Variants in UBA6 observed in about 807,000 individuals in gnomAD.
The protein encoded by UBA6 is ubiquitin-like modifier-activating enzyme 6.
A neutral mutation model predicts 148.3 loss-of-function variants in UBA6; 87 were observed. The ratio of observed to expected loss-of-function variants is 0.59; its 90% CI spans 0.49 to 0.70. The LOEUF (loss-of-function observed/expected upper bound fraction) is 0.70, where lower values mean the gene tolerates loss of function less well. UBA6 is among the 30% of genes least tolerant of loss of function. The pLI is 0.00. For missense variants in UBA6, 1,186 were observed against 1,241.2 expected, an observed-to-expected ratio of 0.96 and a Z score of 0.67; for synonymous variants, 376 against 401.0, an observed-to-expected ratio of 0.94 and a Z score of 0.75.
rs1487273442 is a variant in UBA6, at chr4:67,616,405, T to C, written c.*2592A>G. On this transcript the variant is annotated 3_prime_UTR_variant, in exon 33 of 33. Transcript: ENST00000322244. ...AGTTGCTTTTTTAATGTTCCATGAA[T>C]ATCACCAGAGTGTGACATAGTAGAT... The C allele has an allele frequency of 3.1e-6, 1 of 320,294 alleles. No individual in the cohort carries two copies. The highest frequency in any genetic ancestry group is 4.9e-5 in the Admixed American group (1 of 20,320). 19.8% of individuals were successfully genotyped at this position (320,294 alleles called of 1,614,324 possible). A position where few individuals can be genotyped will look rare whatever the true frequency, so the allele number is the denominator to read the frequency against.
Position 67,644,715 on chromosome 4 carries a change from T to C in UBA6, c.1459A>G (p.Ser487Gly), listed in dbSNP as rs1399235193. 2.5e-6 allele frequency: 4 copies of C among 1,603,352 alleles called. No homozygotes were observed. The South Asian group carries it at 3.3e-5, about 13-fold the overall frequency. ...TATCTTACCATTCCTTTCTCTTTGC[T>C]TGTGCCAACACCAAGTAAAGCAAAA... The part of the protein sequence containing the change: ...KNFALLGVGT[S>G]KEKGMITVTD... Residue 487 changes from serine (S) to glycine (G), a missense_variant, in exon 17 of 33, where the codon AGC becomes GGC. Ser to Gly is a moderately conservative substitution (Grantham distance 56). Transcript: ENST00000322244.
intron 6 of UBA6, among the ~76,000 whole-genome samples, chr4:67,674,518 A>G (rs951136051): frequency 6.6e-6 from 1 of 152,146 alleles, no homozygotes; most frequent in Non-Finnish European, 1.5e-5. Flanking sequence ...CTTGAACTAG[A>G]GGGACTTGGG....
chr4:67,690,377 A>G (rs1031380956), intron 2 of UBA6, among the ~76,000 whole-genome samples: 36 of 152,136 alleles, frequency 2.4e-4, no homozygotes, highest in Admixed American at 2.1e-3. Flanking sequence ...AAGAGGCCTC[A>G]TAACACTGGT....
chr4:67,625,227 C>A (rs890784795), intron 28 of UBA6, 40 bp from the exon 29 acceptor site: 14 of 1,495,186 alleles, frequency 9.4e-6, no homozygotes, highest in Non-Finnish European at 1.3e-5. Flanking sequence ...CCACAGCAAG[C>A]AGTAAAGATT....
intron 7 of UBA6, among the ~76,000 whole-genome samples, chr4:67,672,361 T>G (rs575445498): frequency 6.6e-6 from 1 of 152,160 alleles, no homozygotes; most frequent in African/African-American, 2.4e-5. Flanking sequence ...CTCTGCCGCC[T>G]AAGATAATCA....
At chr4:67,687,438 T>C (rs1300582160) in intron 2 of UBA6, among the ~76,000 whole-genome samples, 1 of 152,188 alleles carries the variant, frequency 6.6e-6, no homozygotes, top group Non-Finnish European at 1.5e-5. Flanking sequence ...AAAGTCAGGA[T>C]TGGGATATGA....
At chr4:67,650,290 T>G (rs1729522049) in intron 13 of UBA6, among the ~76,000 whole-genome samples, 1 of 152,128 alleles carries the variant, frequency 6.6e-6, no homozygotes, top group Admixed American at 6.6e-5. Context: ...GTAAGAAAAC[T>G]GAAACATTGA....
At chr4:67,648,971 T>G in intron 14 of UBA6, 97 bp downstream of exon 14, 1 of 1,313,310 alleles carries the variant, frequency 7.6e-7, no homozygotes, top group South Asian at 1.8e-5. Context: ...AAAAAGTATT[T>G]TAAGGTCGCT....
intron 28 of UBA6, 144 bp downstream of exon 28, chr4:67,626,216 C>G: frequency 1.6e-6 from 1 of 626,980 alleles, no homozygotes; most frequent in Non-Finnish European, 2.8e-6. Flanking sequence ...AAGATGAACA[C>G]TGACTTTAAT....
intron 6 of UBA6, among the ~76,000 whole-genome samples, chr4:67,674,744 A>T (rs1730236530): frequency 6.6e-6 from 1 of 152,174 alleles, no homozygotes; most frequent in Non-Finnish European, 1.5e-5. Flanking sequence ...CTCAGCCACA[A>T]TTTCTTTGAA....
intron 27 of UBA6, 55 bp downstream of exon 27, chr4:67,629,016 G>T: frequency 8.1e-7 from 1 of 1,232,372 alleles, no homozygotes; most frequent in Non-Finnish European, 1.2e-6. Flanking sequence ...AATGGGACTT[G>T]GTACAAGTCC....
rs1179074071 is a variant in UBA6 at position 67,682,159 on chromosome 4, A to C, written c.189T>G (p.His63Gln). 3 of 1,613,898 alleles carry C rather than the reference A, an allele frequency of 1.9e-6. No homozygotes were observed. Among genetic ancestry groups the C allele is most frequent in the South Asian group, 2.2e-5 (2 of 91,062 alleles). The change falls in exon 3 of 33, where the codon CAT (histidine) becomes CAG (glutamine). Residue 63 changes from histidine (H) to glutamine (Q), a missense_variant. Coordinates refer to ENST00000322244, the MANE Select transcript of UBA6 (RefSeq NM_018227.6). Reference protein sequence around the residue: ...DTAMQKMAKSHVFLSGMGGLG... With the variant: ...DTAMQKMAKSQVFLSGMGGLG... ...GACCACCCATCCCACTTAAGAAAAC[A>C]TGGGACTTGGCCATCTTCTGCATTG...
intron 1 of UBA6, among the ~76,000 whole-genome samples, chr4:67,698,375 C>G (rs1468606156): frequency 6.6e-6 from 1 of 152,108 alleles, no homozygotes; most frequent in Non-Finnish European, 1.5e-5. Flanking sequence ...TAAAACAGTA[C>G]CAGGCATTTA....
At position 67,647,695 on chromosome 4, in the gene UBA6, T is replaced by C. The variant is rs574242481; in HGVS notation, c.1249-904A>G. Among the ~76,000 whole-genome samples, 18 of 152,014 alleles carry C rather than the reference T, an allele frequency of 1.2e-4. No individual in the cohort carries two copies. In the South Asian group the frequency reaches 3.1e-3, roughly 26 times the overall value. ...ATTTAAGTAACTTGTGTGGCTAAAT[T>C]TGAACATGAACAAATGGTTATTTAT... On this transcript the variant is annotated intron_variant, in intron 14 of 32. Coordinates refer to ENST00000322244, the MANE Select transcript of UBA6 (RefSeq NM_018227.6).
chr4:67,653,795 G>T (rs936473061), intron 13 of UBA6, among the ~76,000 whole-genome samples: 2 of 152,154 alleles, frequency 1.3e-5, no homozygotes, highest in Non-Finnish European at 2.9e-5. Context: ...TTGAAAAAGG[G>T]TTAGAAGAAT....
At chr4:67,689,736 CT>C (rs1158252404) in intron 2 of UBA6, among the ~76,000 whole-genome samples, 1 of 150,850 alleles carries the variant, frequency 6.6e-6, no homozygotes, top group Non-Finnish European at 1.5e-5. Flanking sequence ...CTTTTTCAGA[CT>C]TTTTTGTCAT....
intron 13 of UBA6, among the ~76,000 whole-genome samples, chr4:67,651,385 C>T (rs899109241): frequency 1.3e-5 from 2 of 152,142 alleles, no homozygotes; most frequent in East Asian, 1.9e-4. Context: ...AGAAACTTTA[C>T]TGAATAATCA....
intron 9 of UBA6, among the ~76,000 whole-genome samples, chr4:67,665,962 A>T (rs1385984777): frequency 6.6e-6 from 1 of 152,156 alleles, no homozygotes; most frequent in Non-Finnish European, 1.5e-5. Flanking sequence ...TAAAAACATA[A>T]AAAAGAAAAC....
intron 10 of UBA6, among the ~76,000 whole-genome samples, chr4:67,664,284 T>G (rs187830477): frequency 6.6e-6 from 1 of 152,136 alleles, no homozygotes; most frequent in East Asian, 1.9e-4. Context: ...TTAAATTCTG[T>G]GTGAAGAACT....
Sources: gnomAD v4.1 joint callset for allele counts (sites outside exome capture counted in the v4.1 genomes callset) on GRCh38, gnomAD v4.1.1 for gene constraint, MANE v1.5 for transcripts, NCBI Gene and HGNC (gene_info 2026-07-23, HGNC 2026-07-21) for gene names.